The following CNTN4 variants were observed in gnomAD, a reference collection of about 807,000 sequenced individuals.
The protein encoded by CNTN4 is contactin 4.
Under a neutral mutation model 122.5 loss-of-function variants are expected in CNTN4, and 77 were observed. The observed-to-expected ratio is 0.63, with a 90% CI of 0.52 to 0.76. The LOEUF (loss-of-function observed/expected upper bound fraction) is 0.76, where lower values mean the gene tolerates loss of function less well. Ranked by LOEUF, CNTN4 falls within the 30% of genes least tolerant of loss-of-function variation. The pLI is 0.00. For synonymous variants in CNTN4, 512 were observed against 447.0 expected (o/e 1.15, Z -1.83); for missense variants, 1,256 against 1,259.1 (o/e 1.00, Z 0.04).
At chr3:2,342,980 A>C (rs1413245945) in intron 3 of CNTN4, among the ~76,000 whole-genome samples, 1 of 152,210 alleles carries the variant, frequency 6.6e-6, no homozygotes, top group African/African-American at 2.4e-5. Context: ...GGTGATGAAA[A>C]TGTTTTGGAA....
chr3:2,756,730 A>G (rs973776917), intron 6 of CNTN4, among the ~76,000 whole-genome samples: 7 of 152,194 alleles, frequency 4.6e-5, no homozygotes, highest in South Asian at 2.1e-4. Context: ...CTATGTTACC[A>G]TGGAGGCAGA....
chr3:3,021,806 A>G (rs1182252645), intron 14 of CNTN4, among the ~76,000 whole-genome samples: 1 of 152,212 alleles, frequency 6.6e-6, no homozygotes, highest in African/African-American at 2.4e-5. Context: ...TCAGCCAGGT[A>G]TGGCGGCTCA....
intron 2 of CNTN4, among the ~76,000 whole-genome samples, chr3:2,209,053 A>C (rs1277174914): frequency 6.6e-6 from 1 of 152,178 alleles, no homozygotes; most frequent in East Asian, 1.9e-4. Context: ...TCTGAAGTGT[A>C]TTCCTGTAGC....
intron 6 of CNTN4, among the ~76,000 whole-genome samples, chr3:2,766,931 G>A (rs776104169): frequency 6.6e-6 from 1 of 152,100 alleles, no homozygotes; most frequent in Non-Finnish European, 1.5e-5. Flanking sequence ...AGCTAAAGGT[G>A]GAAAGTGAGA....
intron 4 of CNTN4, among the ~76,000 whole-genome samples, chr3:2,721,558 CCTA>C (rs2087853503): frequency 1.3e-5 from 2 of 152,244 alleles, no homozygotes; most frequent in South Asian, 4.1e-4. Context: ...TGAAGGCACA[CCTA>C]CTGCTGTGTG....
At chr3:2,737,399 A>C (rs968975321) in intron 5 of CNTN4, among the ~76,000 whole-genome samples, 1 of 152,196 alleles carries the variant, frequency 6.6e-6, no homozygotes, top group Admixed American at 6.5e-5. Flanking sequence ...GCTTTTAGAC[A>C]GGCATCATAG....
intron 4 of CNTN4, among the ~76,000 whole-genome samples, chr3:2,658,635 T>A (rs919827577): frequency 2.6e-5 from 4 of 152,162 alleles, no homozygotes; most frequent in Non-Finnish European, 5.9e-5. Flanking sequence ...CCATGAGCAT[T>A]TGTACCATCC....
chr3:2,885,217 G>C (rs2093958364), intron 9 of CNTN4, among the ~76,000 whole-genome samples: 1 of 152,190 alleles, frequency 6.6e-6, no homozygotes, highest in Non-Finnish European at 1.5e-5. Flanking sequence ...TCCCCTGCCA[G>C]GCAGCCACAA....
intron 18 of CNTN4, 149 bp from the exon 19 acceptor site, chr3:3,038,784 C>A: frequency 1.9e-6 from 1 of 539,232 alleles, no homozygotes; most frequent in Non-Finnish European, 3.3e-6. Flanking sequence ...TCGCCGTGGG[C>A]CCCTTGACAA....
At chr3:2,868,058 C>T (rs1459502485) in intron 8 of CNTN4, among the ~76,000 whole-genome samples, 1 of 152,142 alleles carries the variant, frequency 6.6e-6, no homozygotes, top group Non-Finnish European at 1.5e-5. Flanking sequence ...AATCCTTTTA[C>T]TGTCTAGTAC....
At chr3:2,314,333 A>T (rs575878604) in intron 2 of CNTN4, among the ~76,000 whole-genome samples, 2 of 152,080 alleles carry the variant, frequency 1.3e-5, no homozygotes, top group Admixed American at 6.6e-5. Flanking sequence ...TAGCCAAGGG[A>T]GTTTCGAAAA....
intron 3 of CNTN4, among the ~76,000 whole-genome samples, chr3:2,510,017 C>T (rs1406313343): frequency 6.6e-6 from 1 of 152,100 alleles, no homozygotes; most frequent in Admixed American, 6.6e-5. Flanking sequence ...ATTTCCTGCC[C>T]AAGCTGTCTT....
At chr3:2,990,311 T>A (rs1191362582) in intron 14 of CNTN4, among the ~76,000 whole-genome samples, 3 of 152,182 alleles carry the variant, frequency 2.0e-5, no homozygotes, top group Admixed American at 6.5e-5. Context: ...GTATTCTAAA[T>A]CCTGTTGAAA....
At chr3:2,397,062 T>A (rs1343408086) in intron 3 of CNTN4, among the ~76,000 whole-genome samples, 1 of 152,192 alleles carries the variant, frequency 6.6e-6, no homozygotes, top group African/African-American at 2.4e-5. Context: ...GTTTCATAGA[T>A]GCTAAAGCAA....
intron 4 of CNTN4, among the ~76,000 whole-genome samples, chr3:2,646,007 T>G (rs576623349): frequency 6.9e-4 from 105 of 152,230 alleles, no homozygotes; most frequent in Admixed American, 1.7e-3. Flanking sequence ...ATTATTCTTT[T>G]TGGATTCAGA....
At chr3:2,661,761 G>A (rs1275240816) in intron 4 of CNTN4, among the ~76,000 whole-genome samples, 2 of 135,470 alleles carry the variant, frequency 1.5e-5, no homozygotes, top group Non-Finnish European at 3.0e-5. Context: ...GCGGTGAACC[G>A]AGACGCCATT....
chr3:2,955,321 A>C (rs1306754044), intron 13 of CNTN4, among the ~76,000 whole-genome samples: 2 of 152,238 alleles, frequency 1.3e-5, no homozygotes, highest in Non-Finnish European at 2.9e-5. Flanking sequence ...CTAGCAGCAC[A>C]GTAAATCGTA....
At chr3:2,824,419 T>A (rs759050117) in intron 7 of CNTN4, among the ~76,000 whole-genome samples, 1 of 151,690 alleles carries the variant, frequency 6.6e-6, no homozygotes, top group East Asian at 2.0e-4. Context: ...ATCGCGCCAC[T>A]GCACTCCAGC....
chr3:2,268,756 C>G (rs1287712514), intron 2 of CNTN4, among the ~76,000 whole-genome samples: 4 of 152,098 alleles, frequency 2.6e-5, no homozygotes, highest in Non-Finnish European at 5.9e-5. Flanking sequence ...ATGCAACTCC[C>G]TTACGTTCTT....
Sources: gnomAD v4.1 joint callset for allele counts (sites outside exome capture counted in the v4.1 genomes callset) on GRCh38, gnomAD v4.1.1 for gene constraint, MANE v1.5 for transcripts, NCBI Gene and HGNC (gene_info 2026-07-23, HGNC 2026-07-21) for gene names.